Variants in TTC27 observed in about 807,000 individuals in gnomAD.
TTC27 encodes tetratricopeptide repeat domain 27, also known as tetratricopeptide repeat protein 27.
In TTC27, 79 loss-of-function variants were observed where a neutral mutation model predicts 115.9. The ratio of observed to expected loss-of-function variants is 0.68; its 90% CI spans 0.57 to 0.82. The LOEUF is 0.82. Ranked by LOEUF, TTC27 falls within the 40% of genes least tolerant of loss-of-function variation. The pLI is 0.00. For missense variants in TTC27, 1,054 were observed against 993.1 expected (o/e 1.06, Z -0.82); for synonymous variants, 401 against 356.0 (o/e 1.13, Z -1.42).
At chr2:32,767,525 A>G (rs547141375) in intron 13 of TTC27, among the ~76,000 whole-genome samples, 164 of 138,586 alleles carry the variant, frequency 1.2e-3, no homozygotes, top group Middle Eastern at 8.3e-3. Flanking sequence ...GCAGTGGCGC[A>G]ATCTCGGCTC....
intron 16 of TTC27, among the ~76,000 whole-genome samples, chr2:32,806,748 T>C (rs1168646851): frequency 6.6e-6 from 1 of 151,882 alleles, no homozygotes; most frequent in African/African-American, 2.4e-5. Context: ...GCCACTGCAC[T>C]CCAGCTTGAC....
At chr2:32,762,540 T>G (rs541673105) in intron 13 of TTC27, among the ~76,000 whole-genome samples, 7 of 152,230 alleles carry the variant, frequency 4.6e-5, no homozygotes, top group Admixed American at 6.5e-5. Flanking sequence ...AAGAGGTAAT[T>G]CAGGAATATT....
intron 7 of TTC27, among the ~76,000 whole-genome samples, chr2:32,669,404 A>G (rs1267803898): frequency 6.6e-6 from 1 of 152,278 alleles, no homozygotes; most frequent in Admixed American, 6.5e-5. Context: ...TATGGATTAG[A>G]TAGAAACATA....
chr2:32,771,998 C>T (rs1377959067), intron 13 of TTC27, among the ~76,000 whole-genome samples: 1 of 152,080 alleles, frequency 6.6e-6, no homozygotes, highest in African/African-American at 2.4e-5. Context: ...AGTTTGAATA[C>T]TGATTATCAA....
At chr2:32,664,512 A>T (rs772811749) in intron 6 of TTC27, 45 bp downstream of exon 6, 1 of 1,537,012 alleles carries the variant, frequency 6.5e-7, no homozygotes, top group Admixed American at 2.0e-5. Flanking sequence ...TTTTATGATA[A>T]AACTATATAC....
chr2:32,763,248 C>T (rs569151416), intron 13 of TTC27, among the ~76,000 whole-genome samples: 2 of 152,180 alleles, frequency 1.3e-5, no homozygotes, highest in African/African-American at 4.8e-5. Flanking sequence ...AAGATGCAAA[C>T]TTGAACACTG....
intron 12 of TTC27, among the ~76,000 whole-genome samples, chr2:32,746,177 T>A (rs902719537): frequency 1.3e-5 from 2 of 152,216 alleles, no homozygotes; most frequent in Admixed American, 1.3e-4. Flanking sequence ...TTGCAACCAG[T>A]TGCCCATTTA....
At chr2:32,648,617 T>C (rs561190949) in intron 4 of TTC27, among the ~76,000 whole-genome samples, 44 of 152,084 alleles carry the variant, frequency 2.9e-4, no homozygotes, top group African/African-American at 1.0e-3. Flanking sequence ...TTTTATTTTT[T>C]TTAAGTAAAT....
At chr2:32,770,745 G>C (rs540242655) in intron 13 of TTC27, among the ~76,000 whole-genome samples, 98 of 152,232 alleles carry the variant, frequency 6.4e-4, no homozygotes, top group African/African-American at 2.3e-3. Flanking sequence ...TGTACATGCT[G>C]CTCTTCCTTG....
At chr2:32,739,742 A>G (rs1472885786) in intron 12 of TTC27, among the ~76,000 whole-genome samples, 1 of 152,152 alleles carries the variant, frequency 6.6e-6, no homozygotes, top group Non-Finnish European at 1.5e-5. Context: ...TTTAAACCAT[A>G]GACCCTAAAA....
At chr2:32,693,732 T>C (rs1042551427) in intron 9 of TTC27, among the ~76,000 whole-genome samples, 2 of 152,164 alleles carry the variant, frequency 1.3e-5, no homozygotes, top group Admixed American at 1.3e-4. Flanking sequence ...AGCAAAACTA[T>C]AAAGCTCTTA....
chr2:32,773,031 T>G (rs112447901), intron 13 of TTC27, among the ~76,000 whole-genome samples: 3 of 152,338 alleles, frequency 2.0e-5, no homozygotes, highest in African/African-American at 7.2e-5. Flanking sequence ...GTGAGGGAAA[T>G]TCAAAGAAAC....
At chr2:32,629,766 C>G (rs1296698757) in intron 1 of TTC27, among the ~76,000 whole-genome samples, 8 of 152,260 alleles carry the variant, frequency 5.3e-5, no homozygotes, top group Middle Eastern at 3.4e-3. Context: ...TTCTTGTGAG[C>G]AATGAATATT....
intron 9 of TTC27, among the ~76,000 whole-genome samples, chr2:32,701,730 C>T (rs1442182034): frequency 6.6e-6 from 1 of 152,128 alleles, no homozygotes; most frequent in Non-Finnish European, 1.5e-5. Context: ...CAAATACTTA[C>T]TTTATCTTAG....
rs375100650 is a variant in TTC27 at position 32,628,267 on chromosome 2, T to G, written c.-26T>G. On this transcript the variant is annotated 5_prime_UTR_variant, in exon 1 of 20. Coordinates refer to ENST00000317907, the MANE Select transcript of TTC27 (RefSeq NM_017735.5). ...CCCGTGTGGCCCTCGTGGGAGCCTG[T>G]TTTGGCTGCAGCGGTGTCTGGGGTG... 79 of 1,593,148 alleles carry G rather than the reference T, an allele frequency of 5.0e-5. 1 individual carries two copies. The African/African-American group carries it at 9.9e-4, about 20-fold the overall frequency.
chr2:32,782,691 G>A lies in TTC27; in HGVS notation c.1832+13G>A, dbSNP rs1239942898. The A allele has an allele frequency of 1.3e-6, 2 of 1,597,494 alleles. No homozygotes were observed. Among genetic ancestry groups the A allele is most frequent in the African/African-American group, 2.7e-5 (2 of 74,562 alleles). On this transcript the variant is annotated intron_variant, in intron 15 of 19. Transcript: ENST00000317907. ...GATTAAAACAAAAGTAAGTACATCA[G>A]ACAAATATGAAGAAATTTGCTTCCC...
intron 13 of TTC27, among the ~76,000 whole-genome samples, chr2:32,764,040 A>G (rs950315234): frequency 1.3e-5 from 2 of 152,230 alleles, no homozygotes; most frequent in Non-Finnish European, 2.9e-5. Context: ...TCAGCTATCA[A>G]GCCAGTACGT....
chr2:32,817,865 G>A (rs545088486), intron 19 of TTC27, among the ~76,000 whole-genome samples: 1 of 152,136 alleles, frequency 6.6e-6, no homozygotes, highest in African/African-American at 2.4e-5. Flanking sequence ...AGACCAGCCT[G>A]GCCAACATGG....
At chr2:32,773,976 T>C (rs12989970) in intron 13 of TTC27, among the ~76,000 whole-genome samples, 19,104 of 152,184 alleles carry the variant, frequency 0.13, 1,451 homozygotes, top group Middle Eastern at 0.22. Context: ...CTAGTTGAAA[T>C]TGATCCATGC....
Sources: gnomAD v4.1 joint callset for allele counts (sites outside exome capture counted in the v4.1 genomes callset) on GRCh38, gnomAD v4.1.1 for gene constraint, MANE v1.5 for transcripts, NCBI Gene and HGNC (gene_info 2026-07-23, HGNC 2026-07-21) for gene names.